HECW1: variants seen among roughly 807,000 people sequenced by gnomAD.
HECW1 encodes HECT, C2 and WW domain containing E3 ubiquitin protein ligase 1.
In HECW1, 61 loss-of-function variants were observed where a neutral mutation model predicts 182.3. That is an observed-to-expected ratio of 0.33 (90% CI 0.27 to 0.41). The LOEUF (loss-of-function observed/expected upper bound fraction) is 0.41. Ranked by LOEUF, HECW1 falls within the 10% of genes least tolerant of loss-of-function variation. The pLI, the probability that HECW1 is intolerant of heterozygous loss-of-function variation, is 1.00. For synonymous variants in HECW1, 859 were observed against 832.6 expected (o/e 1.03, Z -0.55); for missense variants, 1,739 against 2,108.9 (o/e 0.82, Z 3.44).
At chr7:43,388,471 A>C (rs2074889457) in intron 6 of HECW1, among the ~76,000 whole-genome samples, 1 of 152,192 alleles carries the variant, frequency 6.6e-6, no homozygotes, top group Admixed American at 6.5e-5. Context: ...CCTAATTTTA[A>C]TTACAAGACT....
chr7:43,147,442 T>A (rs1562597137), intron 2 of HECW1: 1 of 152,224 alleles, frequency 6.6e-6, no homozygotes, highest in African/African-American at 2.4e-5. Flanking sequence ...TCTTTTGTTA[T>A]TGCAGAACAG....
intron 2 of HECW1, among the ~76,000 whole-genome samples, chr7:43,125,252 G>A (rs984923740): frequency 1.3e-5 from 2 of 152,060 alleles, no homozygotes; most frequent in Non-Finnish European, 2.9e-5. Context: ...TCCAACATGC[G>A]AATTTGAGGG....
intron 17 of HECW1, chr7:43,484,229 G>A (rs1451726902): frequency 6.6e-6 from 1 of 152,262 alleles, no homozygotes; most frequent in African/African-American, 2.4e-5. Flanking sequence ...TTGATTCCAC[G>A]TCTTCAGGAC....
At chr7:43,220,545 C>G (rs531423142) in intron 2 of HECW1, among the ~76,000 whole-genome samples, 41 of 152,280 alleles carry the variant, frequency 2.7e-4, no homozygotes, top group African/African-American at 9.4e-4. Flanking sequence ...AGCTAACTAG[C>G]AGCCCACCAG....
intron 2 of HECW1, among the ~76,000 whole-genome samples, chr7:43,228,849 TTAAAATTGGAATA>T (rs1201633196): frequency 1.3e-5 from 2 of 152,152 alleles, no homozygotes; most frequent in Admixed American, 1.3e-4. Flanking sequence ...ATTCCAGTTA[TTAAAATTGGAATA>T]TAAAATTGCG....
chr7:43,365,244 A>G (rs1318162318), intron 6 of HECW1, among the ~76,000 whole-genome samples: 1 of 152,208 alleles, frequency 6.6e-6, no homozygotes, highest in Non-Finnish European at 1.5e-5. Flanking sequence ...AGAGTCTTTC[A>G]AGTCCCGAGC....
intron 3 of HECW1, 79 bp from the exon 4 acceptor site, chr7:43,311,684 A>G (rs781426110): frequency 7.6e-7 from 1 of 1,310,830 alleles, no homozygotes; most frequent in African/African-American, 1.4e-5. Context: ...CTCCCAGCAC[A>G]TCTTTCGTTT....
intron 6 of HECW1, among the ~76,000 whole-genome samples, chr7:43,385,948 G>A (rs1765654297): frequency 1.3e-5 from 2 of 152,210 alleles, no homozygotes; most frequent in South Asian, 4.1e-4. Context: ...GTTCTCATCT[G>A]GAAGTTCTGT....
chr7:43,445,219 T>C lies in HECW1; in HGVS notation c.2047T>C (p.Tyr683His). The C allele has an allele frequency of 6.2e-7, 1 of 1,613,104 alleles. No individual in the cohort carries two copies. Among genetic ancestry groups the C allele is most frequent in the South Asian group, 1.1e-5 (1 of 91,042 alleles). ...CDASCCSPSC[Y>H]SSSCYSTSCY... ...CGCGTCCTGCTGCAGCCCCTCGTGC[T>C]ACAGCTCCTCGTGCTACAGCACGTC... The change falls in exon 11 of 30, where the codon TAC becomes CAC. Residue 683 changes from tyrosine (Y) to histidine (H), a missense_variant. Physicochemically the swap from Tyr to His is moderately conservative, Grantham distance 83. Around this residue, in one of 5 missense-constraint regions of HECW1, gnomAD observed 971 missense variants for 1,029.1 expected, o/e 0.94. Transcript: ENST00000395891.
In HECW1 at chr7:43,206,009, C is replaced by T. The variant is rs146048192; in HGVS notation, c.-31-37866C>T. Among the ~76,000 whole-genome samples the T allele has an allele frequency of 1.2e-3, 181 of 152,304 alleles. 1 individual carries two copies. The highest frequency in any genetic ancestry group is 4.1e-3 in the African/African-American group (170 of 41,560). ...ACCCTCTCTCCCCTGCCACTTCCTC[C>T]CCTGGACACTGAAATTCTCCATAAG... is the stretch of plus-strand genomic sequence containing the variant. On this transcript the variant is annotated intron_variant, in intron 2 of 29. Transcript: ENST00000395891.
chr7:43,265,372 T>A (rs538136110), intron 3 of HECW1, among the ~76,000 whole-genome samples: 1 of 152,166 alleles, frequency 6.6e-6, no homozygotes, highest in Admixed American at 6.5e-5. Context: ...CCAGGAAGTG[T>A]CATCCTGCCT....
intron 5 of HECW1, among the ~76,000 whole-genome samples, chr7:43,336,330 T>C (rs1223631505): frequency 6.6e-6 from 1 of 151,760 alleles, no homozygotes; most frequent in African/African-American, 2.4e-5. Context: ...CATGCCCAGC[T>C]ACTTAAAAAA....
chr7:43,257,274 G>A (rs2152730495), intron 3 of HECW1, among the ~76,000 whole-genome samples: 1 of 152,312 alleles, frequency 6.6e-6, no homozygotes, highest in Non-Finnish European at 1.5e-5. Context: ...GAATTGATCT[G>A]ATGTATTTGC....
At chr7:43,282,687 C>T (rs1056761364) in intron 3 of HECW1, among the ~76,000 whole-genome samples, 1 of 152,138 alleles carries the variant, frequency 6.6e-6, no homozygotes, top group African/African-American at 2.4e-5. Context: ...ATTTTAAACA[C>T]TTTCAATAAT....
chr7:43,284,185 G>GT (rs1261746578), intron 3 of HECW1, among the ~76,000 whole-genome samples: 1 of 151,956 alleles, frequency 6.6e-6, no homozygotes, highest in Non-Finnish European at 1.5e-5. Flanking sequence ...TGGGAGGACT[G>GT]TTTTTCCCAG....
At chr7:43,458,074 C>T (rs139145913) in intron 13 of HECW1, among the ~76,000 whole-genome samples, 1,886 of 152,194 alleles carry the variant, frequency 0.012, 42 homozygotes, top group African/African-American at 0.043. Context: ...ATGAATGGAC[C>T]AAAAATCCAT....
intron 15 of HECW1, among the ~76,000 whole-genome samples, chr7:43,467,490 A>T (rs1394589787): frequency 1.3e-5 from 2 of 152,000 alleles, no homozygotes; most frequent in Non-Finnish European, 2.9e-5. Context: ...TAACTCATGC[A>T]AAGGAGCCTG....
intron 3 of HECW1, among the ~76,000 whole-genome samples, chr7:43,255,733 C>A (rs1800502801): frequency 6.6e-6 from 1 of 151,394 alleles, no homozygotes; most frequent in South Asian, 2.1e-4. Flanking sequence ...GCCAAGCCAG[C>A]CCCAGCTTAT....
chr7:43,135,634 C>T (rs183694455), intron 2 of HECW1, among the ~76,000 whole-genome samples: 2 of 152,312 alleles, frequency 1.3e-5, no homozygotes, highest in Admixed American at 1.3e-4. Context: ...TATCCATCTA[C>T]ACCTATCATC....
Sources: gnomAD v4.1 joint callset for allele counts (sites outside exome capture counted in the v4.1 genomes callset) on GRCh38, gnomAD v4.1.1 for gene constraint, gnomAD v4.1.1 regional missense constraint, MANE v1.5 for transcripts, NCBI Gene and HGNC (gene_info 2026-07-23, HGNC 2026-07-21) for gene names.